NELL1: variants seen among roughly 807,000 people sequenced by gnomAD.
NELL1 encodes neural EGFL like 1.
Under a neutral mutation model 107.4 loss-of-function variants are expected in NELL1, and 76 were observed. The observed-to-expected ratio is 0.71, with a 90% confidence interval of 0.59 to 0.86. NELL1 has a LOEUF of 0.86. Among genes scored for constraint, NELL1 ranks in the 40% least tolerant of loss-of-function variants. The probability of loss-of-function intolerance (pLI) is 0.00; values close to 1 mark genes in which losing one functional copy is unlikely to be tolerated. For synonymous variants in NELL1, 353 were observed against 341.2 expected, an observed-to-expected ratio of 1.03 and a Z score of -0.38; for missense variants, 1,024 against 1,005.5, an observed-to-expected ratio of 1.02 and a Z score of -0.25.
intron 12 of NELL1, among the ~76,000 whole-genome samples, chr11:21,025,830 TC>T (rs1481712971): frequency 6.6e-6 from 1 of 152,170 alleles, no homozygotes; most frequent in Admixed American, 6.6e-5. Context: ...CTCCAGTTAT[TC>T]CCCAACAACT....
At chr11:21,405,208 TGC>T (rs1852206179) in intron 15 of NELL1, among the ~76,000 whole-genome samples, 3 of 432 alleles carry the variant, frequency 6.9e-3, no homozygotes, top group Non-Finnish European at 0.015. Flanking sequence ...GTTTTGTTGC[TGC>T]TCCTTGGCTT....
At chr11:21,113,876 AAATT>A (rs1855165489) in intron 13 of NELL1, among the ~76,000 whole-genome samples, 162 bp downstream of exon 13, 1 of 151,990 alleles carries the variant, frequency 6.6e-6, no homozygotes, top group Non-Finnish European at 1.5e-5. Flanking sequence ...AATAATAAAT[AAATT>A]ATCTGCATAA....
intron 3 of NELL1, among the ~76,000 whole-genome samples, chr11:20,840,197 C>T (rs1848596984): frequency 6.6e-6 from 1 of 152,064 alleles, no homozygotes; most frequent in African/African-American, 2.4e-5. Context: ...TATTTATAAG[C>T]AGAAAATCAA....
chr11:20,888,458 G>T (rs970915057), intron 5 of NELL1, among the ~76,000 whole-genome samples: 1 of 150,242 alleles, frequency 6.7e-6, no homozygotes, highest in African/African-American at 2.4e-5. Flanking sequence ...TAAAAATTAA[G>T]GAAGATAATA....
intron 10 of NELL1, among the ~76,000 whole-genome samples, chr11:20,946,775 T>C (rs543788990): frequency 6.6e-6 from 1 of 152,338 alleles, no homozygotes; most frequent in Admixed American, 6.5e-5. Flanking sequence ...CTGTGCTGTA[T>C]GTTTTGTGGT....
intron 15 of NELL1, among the ~76,000 whole-genome samples, chr11:21,424,817 T>C (rs1007275245): frequency 6.6e-6 from 1 of 152,018 alleles, no homozygotes. Flanking sequence ...CCCAACAAAG[T>C]AAAGCACTGG....
At chr11:21,340,807 A>C (rs926216396) in intron 14 of NELL1, among the ~76,000 whole-genome samples, 1 of 152,154 alleles carries the variant, frequency 6.6e-6, no homozygotes, top group Non-Finnish European at 1.5e-5. Context: ...TAGCCTTCAG[A>C]AGGAACCAAC....
Position 21,178,333 on chromosome 11 carries a change from A to G in NELL1, c.1427-50999A>G, listed in dbSNP as rs530519905. Reference sequence around the variant, plus strand: ...GTAATCTAATTGAACAGATGAAATTAACTGTAGAATATCCCAGAACACTCT... The same window carrying G: ...GTAATCTAATTGAACAGATGAAATTGACTGTAGAATATCCCAGAACACTCT... On this transcript the variant is annotated intron_variant, in intron 13 of 19. Transcript: ENST00000357134. 9.8e-4 allele frequency among the ~76,000 whole-genome samples: 149 copies of G among 152,042 alleles called. 2 individuals carry two copies. Among genetic ancestry groups the G allele is most frequent in the African/African-American group, 3.5e-3 (144 of 41,304 alleles).
intron 14 of NELL1, among the ~76,000 whole-genome samples, chr11:21,252,759 G>A (rs1422389284): frequency 6.6e-6 from 1 of 152,046 alleles, no homozygotes; most frequent in Non-Finnish European, 1.5e-5. Context: ...ATCCAAAGAA[G>A]GAAAACACTC....
chr11:21,225,194 A>G (rs1857862788), intron 13 of NELL1, among the ~76,000 whole-genome samples: 1 of 152,144 alleles, frequency 6.6e-6, no homozygotes, highest in East Asian at 1.9e-4. Context: ...ATGAATGGAT[A>G]CATTCTGGTG....
chr11:21,461,106 G>A (rs1009540026), intron 15 of NELL1, among the ~76,000 whole-genome samples: 1 of 152,074 alleles, frequency 6.6e-6, no homozygotes, highest in African/African-American at 2.4e-5. Context: ...AGATGGGAAG[G>A]GGTGTTAATA....
At position 21,146,993 on chromosome 11, in the gene NELL1, A is replaced by G. The variant is rs547499247; in HGVS notation, c.1426+33279A>G. 5.5e-3 allele frequency among the ~76,000 whole-genome samples: 833 copies of G among 152,276 alleles called. 9 individuals are homozygous for G. Among genetic ancestry groups the G allele is most frequent in the African/African-American group, 0.019 (800 of 41,572 alleles). On this transcript the variant is annotated intron_variant, in intron 13 of 19. Coordinates refer to ENST00000357134, the MANE Select transcript of NELL1 (RefSeq NM_006157.5). The stretch of plus-strand genomic sequence containing the variant: ...CAGGAGGCAGAGGTTGCAGTGAGCC[A>G]AGATTGCACCACTGCGCTCCAGCGT...
intron 3 of NELL1, among the ~76,000 whole-genome samples, chr11:20,819,332 T>C (rs912611614): frequency 6.6e-6 from 1 of 152,140 alleles, no homozygotes; most frequent in Non-Finnish European, 1.5e-5. Flanking sequence ...AGGAAAGGCT[T>C]GGTGGCGTTT....
chr11:21,254,937 A>G (rs1205821484), intron 14 of NELL1, among the ~76,000 whole-genome samples: 10 of 152,206 alleles, frequency 6.6e-5, no homozygotes, highest in Admixed American at 3.3e-4. Context: ...TTCCAGAAGC[A>G]TATTCTTTCA....
chr11:21,543,462 A>T (rs1471403818), intron 16 of NELL1, among the ~76,000 whole-genome samples: 1 of 151,924 alleles, frequency 6.6e-6, no homozygotes, highest in Admixed American at 6.6e-5. Context: ...CCCAGACACC[A>T]CCTCAGTATG....
intron 13 of NELL1, among the ~76,000 whole-genome samples, chr11:21,193,290 A>T (rs911493469): frequency 1.3e-5 from 2 of 151,772 alleles, no homozygotes; most frequent in Non-Finnish European, 2.9e-5. Flanking sequence ...AATGTTCAGC[A>T]GTTTTGATAC....
chr11:21,341,260 G>A (rs890946743), intron 14 of NELL1, among the ~76,000 whole-genome samples: 3 of 152,172 alleles, frequency 2.0e-5, no homozygotes, highest in African/African-American at 7.2e-5. Flanking sequence ...CATTGTGATA[G>A]AGTTCAGGAA....
intron 15 of NELL1, among the ~76,000 whole-genome samples, chr11:21,485,700 C>T (rs558361562): frequency 2.1e-4 from 32 of 151,958 alleles, no homozygotes; most frequent in Non-Finnish European, 4.3e-4. Flanking sequence ...CCACTGCACC[C>T]ACCTGAACAT....
chr11:21,161,019 A>ACACACACACG (rs1293933220), intron 13 of NELL1, among the ~76,000 whole-genome samples: 1 of 151,570 alleles, frequency 6.6e-6, no homozygotes, highest in African/African-American at 2.4e-5. Context: ...ACACACACAC[A>ACACACACACG]CACACACACA....
Sources: allele counts gnomAD v4.1 joint callset (sites outside exome capture counted in the v4.1 genomes callset), GRCh38; gene constraint gnomAD v4.1.1; transcripts MANE v1.5; gene names NCBI Gene and HGNC (gene_info 2026-07-23, HGNC 2026-07-21).